Variants in SV2C observed in about 807,000 individuals in gnomAD.
SV2C encodes solute carrier family 22 member B3.
SV2C carries 49 observed loss-of-function variants against 79.7 expected under a neutral mutation model. That is an observed-to-expected ratio of 0.61 (90% confidence interval 0.49 to 0.78). SV2C has a LOEUF of 0.78. Among genes scored for constraint, SV2C ranks in the 30% least tolerant of loss-of-function variants. The pLI is 0.00. For missense variants in SV2C, 833 were observed against 912.9 expected, an observed-to-expected ratio of 0.91 and a Z score of 1.13; for synonymous variants, 334 against 333.2, an observed-to-expected ratio of 1.00 and a Z score of -0.03.
intron 4 of SV2C, among the ~76,000 whole-genome samples, chr5:76,274,059 A>G (rs1353032469): frequency 1.3e-5 from 2 of 152,230 alleles, no homozygotes; most frequent in Non-Finnish European, 2.9e-5. Flanking sequence ...TGAGACCTGT[A>G]TTGTCAGTGT....
intron 2 of SV2C, among the ~76,000 whole-genome samples, chr5:76,177,100 G>A (rs1743555515): frequency 7.2e-6 from 1 of 138,586 alleles, no homozygotes; most frequent in African/African-American, 2.8e-5. Context: ...GGGCGACAGA[G>A]CGAGACTCTG....
At chr5:75,998,587 T>TGTGTGAAGAGTAAAG in the SV2C span, among the ~76,000 whole-genome samples, 1 of 152,062 alleles carries the variant, frequency 6.6e-6, no homozygotes, top group African/African-American at 2.4e-5. Flanking sequence ...AACTAGCCCT[T>TGTGTGAAGAGTAAAG]ACTCTTCAGA....
At chr5:76,100,185 G>A (rs1459576149) in intron 1 of SV2C, among the ~76,000 whole-genome samples, 1 of 152,160 alleles carries the variant, frequency 6.6e-6, no homozygotes. Context: ...TGGGTCAACT[G>A]GAGGTCCAGT....
chr5:76,018,440 G>A, the SV2C span, among the ~76,000 whole-genome samples: 10 of 152,006 alleles, frequency 6.6e-5, no homozygotes, highest in African/African-American at 1.7e-4. Flanking sequence ...ATGAATAAAC[G>A]TAAAGGGGTT....
the SV2C span, among the ~76,000 whole-genome samples, chr5:75,865,986 C>T: frequency 1.3e-5 from 2 of 152,114 alleles, no homozygotes; most frequent in Admixed American, 6.5e-5. Context: ...GTAACTCCTG[C>T]CATTGGGAGG....
chr5:76,203,171 T>G (rs1332682253), intron 3 of SV2C, among the ~76,000 whole-genome samples: 5 of 152,124 alleles, frequency 3.3e-5, no homozygotes, highest in Non-Finnish European at 5.9e-5. Flanking sequence ...AGTGTATAAT[T>G]GTGAAAAATT....
At chr5:75,878,710 C>A in the SV2C span, among the ~76,000 whole-genome samples, 1 of 152,102 alleles carries the variant, frequency 6.6e-6, no homozygotes, top group East Asian at 1.9e-4. Flanking sequence ...TAAATACATA[C>A]CCTACTCTGG....
intron 4 of SV2C, among the ~76,000 whole-genome samples, chr5:76,237,822 G>A (rs1000077252): frequency 1.3e-5 from 2 of 151,944 alleles, no homozygotes; most frequent in Non-Finnish European, 2.9e-5. Flanking sequence ...CTTTATATAT[G>A]ACCTGTATTT....
At chr5:76,316,646 G>C (rs561981001) in intron 12 of SV2C, among the ~76,000 whole-genome samples, 1 of 152,096 alleles carries the variant, frequency 6.6e-6, no homozygotes. Context: ...AAGCCTTTAG[G>C]GGTGTGTCTA....
chr5:75,979,500 C>T, the SV2C span, among the ~76,000 whole-genome samples: 2 of 149,194 alleles, frequency 1.3e-5, no homozygotes, highest in African/African-American at 4.8e-5. Flanking sequence ...TCAGAAAATG[C>T]AAAAGAACTG....
chr5:76,083,773 G>A (rs1747074136), intron 1 of SV2C, among the ~76,000 whole-genome samples: 2 of 152,194 alleles, frequency 1.3e-5, no homozygotes, highest in African/African-American at 4.8e-5. Flanking sequence ...TCTGGGGACT[G>A]GGTCGCACTT....
chr5:76,069,035 T>G, the SV2C span, among the ~76,000 whole-genome samples: 3 of 152,214 alleles, frequency 2.0e-5, no homozygotes, highest in African/African-American at 7.2e-5. Context: ...CTCACCCAGT[T>G]GGTCTCACAT....
At chr5:76,103,408 A>C (rs1747804462) in intron 1 of SV2C, among the ~76,000 whole-genome samples, 1 of 152,230 alleles carries the variant, frequency 6.6e-6, no homozygotes, top group African/African-American at 2.4e-5. Flanking sequence ...AAATTATCTT[A>C]AATATTAATG....
At chr5:75,968,151 C>T in the SV2C span, among the ~76,000 whole-genome samples, 1 of 152,118 alleles carries the variant, frequency 6.6e-6, no homozygotes, top group African/African-American at 2.4e-5. Context: ...GGAAGGACAT[C>T]CACACCAAAA....
At position 76,295,568 on chromosome 5, in the gene SV2C, G is replaced by C. The variant is rs190348414; in HGVS notation, c.1338-210G>C. Among the ~76,000 whole-genome samples the C allele has an allele frequency of 1.1e-4, 16 of 152,280 alleles. No individual in the cohort carries two copies. The East Asian group carries it at 3.1e-3, about 29-fold the overall frequency. On this transcript the variant is annotated intron_variant, in intron 8 of 12. Coordinates refer to ENST00000502798, the MANE Select transcript of SV2C (RefSeq NM_014979.4). ...GGAATTACATACCTGGGGTTCTCCA[G>C]CTAACCATAGGCCATCTCTCAAGCT...
the SV2C span, among the ~76,000 whole-genome samples, chr5:76,000,724 CT>C: frequency 6.6e-6 from 1 of 152,134 alleles, no homozygotes; most frequent in Non-Finnish European, 1.5e-5. Context: ...GCTAACACTC[CT>C]TGCTTGATGG....
At chr5:75,966,829 G>T in the SV2C span, among the ~76,000 whole-genome samples, 1 of 152,030 alleles carries the variant, frequency 6.6e-6, no homozygotes, top group South Asian at 2.1e-4. Context: ...CCCAGTTTGG[G>T]GGCTCATTTG....
intron 12 of SV2C, among the ~76,000 whole-genome samples, chr5:76,313,906 A>G (rs1255177716): frequency 6.6e-6 from 1 of 152,226 alleles, no homozygotes; most frequent in Non-Finnish European, 1.5e-5. Context: ...TTCTAAAATG[A>G]TCTTTAAAGC....
intron 1 of SV2C, among the ~76,000 whole-genome samples, chr5:76,123,055 A>G (rs1208698549): frequency 6.6e-6 from 1 of 152,216 alleles, no homozygotes; most frequent in Non-Finnish European, 1.5e-5. Flanking sequence ...ATCACCACCG[A>G]TCCCACAGAA....
Sources: gnomAD v4.1 joint callset for allele counts (sites outside exome capture counted in the v4.1 genomes callset) on GRCh38, gnomAD v4.1.1 for gene constraint, MANE v1.5 for transcripts, NCBI Gene and HGNC (gene_info 2026-07-23, HGNC 2026-07-21) for gene names.